Variants in ERBB4 observed in about 807,000 individuals in gnomAD.
ERBB4 encodes the protein erb-b2 receptor tyrosine kinase 4, also known as receptor tyrosine-protein kinase erbB-4.
In ERBB4, 42 loss-of-function variants were observed where a neutral mutation model predicts 158.0. That is an observed-to-expected ratio of 0.27 (90% CI 0.21 to 0.34). The LOEUF is 0.34. ERBB4 is among the 10% of genes least tolerant of loss of function. The probability of loss-of-function intolerance (pLI) is 1.00; values close to 1 mark genes in which losing one functional copy is unlikely to be tolerated. For missense variants in ERBB4, 1,333 were observed against 1,624.1 expected, an observed-to-expected ratio of 0.82 and a Z score of 3.08; for synonymous variants, 583 against 558.7, an observed-to-expected ratio of 1.04 and a Z score of -0.61.
chr2:212,021,189 G>A (rs1480015453), intron 2 of ERBB4, among the ~76,000 whole-genome samples: 1 of 151,966 alleles, frequency 6.6e-6, no homozygotes, highest in Non-Finnish European at 1.5e-5. Flanking sequence ...GAAATACGAT[G>A]ATAAAAATAA....
rs546443628 is a variant in ERBB4 at position 212,057,512 on chromosome 2, C to T, written c.234+67240G>A. 5.3e-5 allele frequency among the ~76,000 whole-genome samples: 8 copies of T among 152,198 alleles called. No individual in the cohort carries two copies. The South Asian group carries it at 1.7e-3, about 32-fold the overall frequency. On this transcript the variant is annotated intron_variant, in intron 2 of 27. Transcript: ENST00000342788. ...GCACCACATCACACTGATTCCAAAA[C>T]TGACCACATAGTTGGAAGTAAAGCA...
At chr2:211,390,548 A>G (rs2062778975) in intron 25 of ERBB4, among the ~76,000 whole-genome samples, 1 of 152,250 alleles carries the variant, frequency 6.6e-6, no homozygotes, top group Non-Finnish European at 1.5e-5. Flanking sequence ...CAATCAAAGG[A>G]ACAACTTACA....
chr2:212,276,905 A>G (rs1347386284), intron 1 of ERBB4, among the ~76,000 whole-genome samples: 1 of 151,952 alleles, frequency 6.6e-6, no homozygotes, highest in East Asian at 1.9e-4. Context: ...CTAATGACAT[A>G]GTGTTTAGTG....
chr2:211,768,614 C>A (rs2075615979), intron 4 of ERBB4, among the ~76,000 whole-genome samples: 1 of 152,222 alleles, frequency 6.6e-6, no homozygotes, highest in Admixed American at 6.5e-5. Context: ...CACGTGGAAG[C>A]TGCCAAGGCT....
chr2:211,807,565 C>G (rs2076648903), intron 3 of ERBB4, among the ~76,000 whole-genome samples: 2 of 152,202 alleles, frequency 1.3e-5, no homozygotes, highest in South Asian at 4.1e-4. Context: ...TGGGTTGGTT[C>G]CAATTCTTTG....
chr2:212,321,672 G>C (rs573975279), intron 1 of ERBB4, among the ~76,000 whole-genome samples: 11 of 150,528 alleles, frequency 7.3e-5, no homozygotes, highest in Non-Finnish European at 1.5e-4. Flanking sequence ...CTGGGCAAGA[G>C]AGCAAGATTC....
intron 2 of ERBB4, among the ~76,000 whole-genome samples, chr2:212,092,736 T>A (rs1190725985): frequency 1.3e-5 from 2 of 151,954 alleles, no homozygotes; most frequent in East Asian, 1.9e-4. Flanking sequence ...TGTAGTACAA[T>A]AAAATTAGGC....
At chr2:212,159,682 A>T (rs1221189331) in intron 1 of ERBB4, among the ~76,000 whole-genome samples, 1 of 151,930 alleles carries the variant, frequency 6.6e-6, no homozygotes, top group African/African-American at 2.4e-5. Flanking sequence ...ACAATTAAAA[A>T]AAAGACCACA....
intron 25 of ERBB4, among the ~76,000 whole-genome samples, chr2:211,419,110 C>T (rs901760433): frequency 6.6e-6 from 1 of 152,050 alleles, no homozygotes; most frequent in African/African-American, 2.4e-5. Flanking sequence ...CTAATCACAT[C>T]ATGGAAATAA....
intron 20 of ERBB4, among the ~76,000 whole-genome samples, chr2:211,480,541 C>T (rs73067297): frequency 0.034 from 5,105 of 152,118 alleles, 279 homozygotes; most frequent in African/African-American, 0.12. Flanking sequence ...CCGAGTCCTC[C>T]CCAGATATGC....
intron 1 of ERBB4, among the ~76,000 whole-genome samples, chr2:212,227,243 TCAA>T (rs759839286): frequency 2.2e-5 from 1 of 45,154 alleles, no homozygotes; most frequent in African/African-American, 7.5e-5. Flanking sequence ...AGACTCCACC[TCAA>T]AAAAAAAAAA....
chr2:212,290,663 CGTGT>C (rs147501591), intron 1 of ERBB4, among the ~76,000 whole-genome samples: 6 of 150,308 alleles, frequency 4.0e-5, no homozygotes, highest in African/African-American at 7.3e-5. Context: ...TATTTCTTTT[CGTGT>C]GTGTGTGTGT....
intron 19 of ERBB4, among the ~76,000 whole-genome samples, chr2:211,580,866 CATATATATATAT>C (rs56892079): frequency 9.3e-5 from 6 of 64,172 alleles, no homozygotes; most frequent in East Asian, 8.3e-4. Context: ...TATGCATATA[CATATATATATAT>C]ATATATATAT....
chr2:211,918,169 G>C (rs940006191), intron 3 of ERBB4, among the ~76,000 whole-genome samples: 1 of 152,104 alleles, frequency 6.6e-6, no homozygotes, highest in Non-Finnish European at 1.5e-5. Context: ...CAGGGATCAG[G>C]TAAGAAGTTA....
intron 19 of ERBB4, among the ~76,000 whole-genome samples, chr2:211,588,899 C>A (rs2068373976): frequency 6.6e-6 from 1 of 152,140 alleles, no homozygotes; most frequent in Admixed American, 6.6e-5. Flanking sequence ...TTCTGCAGTA[C>A]TTAATCTATA....
intron 1 of ERBB4, among the ~76,000 whole-genome samples, chr2:212,288,257 G>A (rs1356842225): frequency 6.6e-6 from 1 of 152,110 alleles, no homozygotes; most frequent in Non-Finnish European, 1.5e-5. Context: ...CTAGGTTTCA[G>A]TGTCCACAAT....
intron 1 of ERBB4, among the ~76,000 whole-genome samples, chr2:212,462,405 A>G (rs1388342979): frequency 6.6e-6 from 1 of 152,218 alleles, no homozygotes; most frequent in Non-Finnish European, 1.5e-5. Flanking sequence ...ACAACTCAAC[A>G]GCAAAAAAAT....
intron 3 of ERBB4, among the ~76,000 whole-genome samples, chr2:211,928,899 G>A (rs2125093847): frequency 6.6e-6 from 1 of 152,190 alleles, no homozygotes; most frequent in South Asian, 2.1e-4. Flanking sequence ...GTAAGTTTGG[G>A]GTGACACAAA....
intron 3 of ERBB4, among the ~76,000 whole-genome samples, chr2:211,892,756 T>C (rs376877922): frequency 1.4e-5 from 2 of 144,606 alleles, no homozygotes; most frequent in South Asian, 4.2e-4. Flanking sequence ...AGCATTCTTA[T>C]ACACCAACAA....
Sources: gnomAD v4.1 joint callset for allele counts (sites outside exome capture counted in the v4.1 genomes callset) on GRCh38, gnomAD v4.1.1 for gene constraint, MANE v1.5 for transcripts, NCBI Gene and HGNC (gene_info 2026-07-23, HGNC 2026-07-21) for gene names.